The following KCND3 variants were observed in gnomAD, a reference collection of about 807,000 sequenced individuals.
The protein encoded by KCND3 is potassium voltage-gated channel subfamily D member 3.
A neutral mutation model predicts 51.1 loss-of-function variants in KCND3; 9 were observed. That is an observed-to-expected ratio of 0.18 (90% CI 0.11 to 0.31). The LOEUF (loss-of-function observed/expected upper bound fraction) is 0.31. Ranked by LOEUF, KCND3 falls within the 10% of genes least tolerant of loss-of-function variation. KCND3 has a pLI of 1.00. For synonymous variants in KCND3, 349 were observed against 368.0 expected, an observed-to-expected ratio of 0.95 and a Z score of 0.59; for missense variants, 526 against 903.8, an observed-to-expected ratio of 0.58 and a Z score of 5.36.
At chr1:111,822,013 C>T (rs190694337) in intron 2 of KCND3, among the ~76,000 whole-genome samples, 20 of 152,234 alleles carry the variant, frequency 1.3e-4, no homozygotes, top group Admixed American at 1.2e-3. Flanking sequence ...TTGGTCTCTC[C>T]ATGCCCTTGA....
chr1:111,781,056 A>G (rs777308367), intron 3 of KCND3, among the ~76,000 whole-genome samples: 4 of 152,102 alleles, frequency 2.6e-5, no homozygotes, highest in Non-Finnish European at 5.9e-5. Flanking sequence ...TCTTCTCCCA[A>G]AGGTTTCATG....
At chr1:111,843,484 C>G (rs974426437) in intron 2 of KCND3, among the ~76,000 whole-genome samples, 5 of 152,218 alleles carry the variant, frequency 3.3e-5, no homozygotes, top group Non-Finnish European at 7.3e-5. Context: ...AAAAACAAAG[C>G]CTGACTGTTT....
At chr1:111,808,830 G>T (rs149006139) in intron 2 of KCND3, among the ~76,000 whole-genome samples, 36 of 152,200 alleles carry the variant, frequency 2.4e-4, no homozygotes, top group Non-Finnish European at 4.6e-4. Flanking sequence ...GCTCTGCAGC[G>T]CCTGTTTAAG....
At chr1:111,850,001 A>C (rs1667734950) in intron 2 of KCND3, among the ~76,000 whole-genome samples, 1 of 152,062 alleles carries the variant, frequency 6.6e-6, no homozygotes, top group Non-Finnish European at 1.5e-5. Flanking sequence ...CGACTTTCTG[A>C]GAGCAGAGGA....
At chr1:111,831,068 T>TG (rs1219456116) in intron 2 of KCND3, among the ~76,000 whole-genome samples, 2 of 152,274 alleles carry the variant, frequency 1.3e-5, no homozygotes, top group East Asian at 3.8e-4. Context: ...AGCACCCTCC[T>TG]GGCCTGGAAG....
chr1:111,784,867 G>A (rs1261908032), intron 3 of KCND3, among the ~76,000 whole-genome samples: 2 of 152,064 alleles, frequency 1.3e-5, no homozygotes, highest in Non-Finnish European at 2.9e-5. Context: ...CTTTAGCAGC[G>A]AGAGGAAGGA....
At chr1:111,846,748 G>T (rs1382278215) in intron 2 of KCND3, among the ~76,000 whole-genome samples, 2 of 152,196 alleles carry the variant, frequency 1.3e-5, no homozygotes, top group Non-Finnish European at 2.9e-5. Flanking sequence ...GCACCTCACA[G>T]ACATGACCTC....
intron 2 of KCND3, among the ~76,000 whole-genome samples, chr1:111,966,889 C>T (rs1674018631): frequency 6.6e-6 from 1 of 152,016 alleles, no homozygotes; most frequent in Admixed American, 6.5e-5. Flanking sequence ...GCCTGTAATC[C>T]CAGCACTTTG....
intron 2 of KCND3, among the ~76,000 whole-genome samples, chr1:111,826,651 G>A (rs1666588678): frequency 6.6e-6 from 1 of 152,178 alleles, no homozygotes; most frequent in Admixed American, 6.5e-5. Context: ...CGAGTTCATG[G>A]TTTCTGAATG....
intron 2 of KCND3, among the ~76,000 whole-genome samples, chr1:111,942,151 G>A (rs1258804968): frequency 1.3e-5 from 2 of 152,152 alleles, no homozygotes; most frequent in Non-Finnish European, 2.9e-5. Context: ...CATGTACTAC[G>A]AGCCAGGTCC....
At chr1:111,826,121 C>T (rs943351013) in intron 2 of KCND3, among the ~76,000 whole-genome samples, 10 of 152,114 alleles carry the variant, frequency 6.6e-5, no homozygotes, top group African/African-American at 1.9e-4. Flanking sequence ...TCTTCTTTAG[C>T]GAATTGTTTA....
intron 2 of KCND3, among the ~76,000 whole-genome samples, chr1:111,948,496 AG>A (rs1030535172): frequency 3.9e-5 from 6 of 152,194 alleles, no homozygotes; most frequent in African/African-American, 1.4e-4. Flanking sequence ...CCCACAGCAT[AG>A]GGCTGTTCTG....
chr1:111,907,100 G>A (rs1416114033), intron 2 of KCND3, among the ~76,000 whole-genome samples: 1 of 152,176 alleles, frequency 6.6e-6, no homozygotes, highest in Non-Finnish European at 1.5e-5. Context: ...CTCGTGTTCA[G>A]CCAGCTGTCA....
At chr1:111,801,853 C>T (rs1571659988) in intron 2 of KCND3, among the ~76,000 whole-genome samples, 1 of 152,322 alleles carries the variant, frequency 6.6e-6, no homozygotes, top group East Asian at 1.9e-4. Context: ...CAGACTCTTA[C>T]AGGTCTTGAA....
At chr1:111,861,598 G>A (rs1213557860) in intron 2 of KCND3, among the ~76,000 whole-genome samples, 2 of 152,088 alleles carry the variant, frequency 1.3e-5, no homozygotes, top group East Asian at 1.9e-4. Context: ...GGGGCCCACC[G>A]GCAGTGGAAG....
chr1:111,812,241 G>A (rs1252673154), intron 2 of KCND3, among the ~76,000 whole-genome samples: 1 of 152,202 alleles, frequency 6.6e-6, no homozygotes, highest in African/African-American at 2.4e-5. Flanking sequence ...GGTGGGTCTG[G>A]AGGAGCTGGT....
At chr1:111,923,855 C>T (rs1219800911) in intron 2 of KCND3, among the ~76,000 whole-genome samples, 1 of 152,206 alleles carries the variant, frequency 6.6e-6, no homozygotes, top group Non-Finnish European at 1.5e-5. Flanking sequence ...CCTTACTCCT[C>T]CTCCTGAAGG....
At chr1:111,795,720 T>C (rs1320741942) in intron 2 of KCND3, among the ~76,000 whole-genome samples, 1 of 152,228 alleles carries the variant, frequency 6.6e-6, no homozygotes, top group Non-Finnish European at 1.5e-5. Flanking sequence ...GATTACTGGG[T>C]CGAATGGTAT....
intron 2 of KCND3, among the ~76,000 whole-genome samples, chr1:111,911,106 T>C (rs1295911388): frequency 6.6e-6 from 1 of 152,186 alleles, no homozygotes. Flanking sequence ...TCTTTTTATG[T>C]GGCCCTGACT....
Sources: gnomAD v4.1 joint callset for allele counts (sites outside exome capture counted in the v4.1 genomes callset) on GRCh38, gnomAD v4.1.1 for gene constraint, MANE v1.5 for transcripts, NCBI Gene and HGNC (gene_info 2026-07-23, HGNC 2026-07-21) for gene names.